The following WDR76 variants were observed in gnomAD, a reference collection of about 807,000 sequenced individuals.
WDR76 encodes the protein WD repeat domain 76.
WDR76 carries 52 observed loss-of-function variants against 70.2 expected under a neutral mutation model. The observed-to-expected ratio is 0.74, with a 90% confidence interval of 0.59 to 0.93. The LOEUF is 0.93. Ranked by LOEUF, WDR76 falls within the 40% of genes least tolerant of loss-of-function variation. WDR76 has a pLI of 0.00. For synonymous variants in WDR76, 292 were observed against 271.1 expected, an observed-to-expected ratio of 1.08 and a Z score of -0.76; for missense variants, 756 against 760.2, an observed-to-expected ratio of 0.99 and a Z score of 0.07.
chr15:43,851,075 ACT>A lies in WDR76; in HGVS notation c.1033-7_1033-6del. ...TTTTTTCTCTCTCCCCTTTCCCGCA[ACT>A]CTCTTCCAGACCCAGCAACCTAAAG... On this transcript the variant is annotated splice_polypyrimidine_tract_variant and intron_variant, in intron 8 of 12. Coordinates refer to ENST00000263795, the MANE Select transcript of WDR76 (RefSeq NM_024908.4). 2.5e-6 allele frequency: 4 copies of A among 1,612,012 alleles called. No individual in the cohort carries two copies. Among genetic ancestry groups the A allele is most frequent in the Non-Finnish European group, 3.4e-6 (4 of 1,178,758 alleles).
chr15:43,851,607 C>G (rs777368181), intron 9 of WDR76, among the ~76,000 whole-genome samples: 15 of 151,912 alleles, frequency 9.9e-5, no homozygotes, highest in Non-Finnish European at 2.1e-4. Context: ...AAGCTTTTAA[C>G]TAAAATAACT....
chr15:43,839,784 A>C, intron 5 of WDR76, 56 bp downstream of exon 5: 1 of 1,516,220 alleles, frequency 6.6e-7, no homozygotes, highest in Admixed American at 2.2e-5. Flanking sequence ...AAAAATTTGA[A>C]GTGTTGAAAC....
At chr15:43,848,214 G>A (rs564983104) in intron 8 of WDR76, among the ~76,000 whole-genome samples, 3 of 152,152 alleles carry the variant, frequency 2.0e-5, no homozygotes, top group South Asian at 2.1e-4. Flanking sequence ...ACTCCAGGCT[G>A]GATTGACAGA....
intron 4 of WDR76, among the ~76,000 whole-genome samples, chr15:43,838,472 C>T (rs1204597961): frequency 6.6e-6 from 1 of 152,234 alleles, no homozygotes; most frequent in African/African-American, 2.4e-5. Flanking sequence ...AGGTGTGAGC[C>T]ACTGTGCCTG....
rs925957399 is a variant in WDR76 at position 43,861,313 on chromosome 15, T to C, written c.1563-20T>C. On this transcript the variant is annotated intron_variant, in intron 11 of 12. Coordinates refer to ENST00000263795, the MANE Select transcript of WDR76 (RefSeq NM_024908.4). ...AGTTTTTAAGTAACAAAAGAATGTC[T>C]TACTCTCTTTATTTTGCAGAATTTT... The C allele has an allele frequency of 6.2e-7, 1 of 1,605,674 alleles. No homozygotes were observed. Among genetic ancestry groups the C allele is most frequent in the Non-Finnish European group, 8.5e-7 (1 of 1,172,630 alleles).
chr15:43,858,475 A>T (rs2087958037), intron 10 of WDR76, 196 bp from the exon 11 acceptor site: 3 of 562,086 alleles, frequency 5.3e-6, no homozygotes, highest in Admixed American at 7.2e-5. Context: ...CGAACTCCTG[A>T]TCTCAGATGA....
chr15:43,858,196 G>A (rs146313280), intron 10 of WDR76, among the ~76,000 whole-genome samples: 3 of 151,786 alleles, frequency 2.0e-5, no homozygotes, highest in African/African-American at 7.2e-5. Flanking sequence ...CTCCCAAAGT[G>A]CTGGGATTAC....
rs759470891 is a variant in WDR76 at position 43,867,866 on chromosome 15, A to G, written c.*1474A>G. On this transcript the variant is annotated 3_prime_UTR_variant, in exon 13 of 13. Transcript: ENST00000263795. The stretch of plus-strand genomic sequence containing the variant: ...TTACTAATATTACTGTGTGACATCT[A>G]TCCAACTTTTTTCATTATTCTTCAT... The G allele has an allele frequency of 3.3e-5, 5 of 152,186 alleles. No individual in the cohort carries two copies. Among genetic ancestry groups the G allele is most frequent in the Non-Finnish European group, 7.4e-5 (5 of 68,022 alleles). 9.4% of individuals were successfully genotyped at this position (152,186 alleles called of 1,614,324 possible).
intron 12 of WDR76, among the ~76,000 whole-genome samples, chr15:43,863,602 C>T (rs1243679400): frequency 6.6e-6 from 1 of 151,812 alleles, no homozygotes; most frequent in African/African-American, 2.4e-5. Flanking sequence ...CTCCCTTGCC[C>T]AGTATGGAGT....
Position 43,828,371 on chromosome 15 carries a change from G to A in WDR76, c.462+5G>A, listed in dbSNP as rs747468676. 1 of 1,581,290 alleles carries A rather than the reference G, an allele frequency of 6.3e-7. No individual in the cohort carries two copies. The highest frequency in any genetic ancestry group is 8.6e-7 in the Non-Finnish European group (1 of 1,167,114). ...GAAGATACCACACCATCCCTGGTAAGAACTTAATTAGTAGCTTGTTCTGGT... is the reference window on the plus strand; with the variant it reads ...GAAGATACCACACCATCCCTGGTAAAAACTTAATTAGTAGCTTGTTCTGGT... On this transcript the variant is annotated splice_donor_5th_base_variant and intron_variant, in intron 2 of 12. Coordinates refer to ENST00000263795, the MANE Select transcript of WDR76 (RefSeq NM_024908.4).
rs571844584 is a variant in WDR76 at position 43,858,439 on chromosome 15, G to T, written c.1410-232G>T. On this transcript the variant is annotated intron_variant, in intron 10 of 12. Coordinates refer to ENST00000263795, the MANE Select transcript of WDR76 (RefSeq NM_024908.4). ...TAATCTTGTATTTTTAGTAGAGACG[G>T]GGTTTCTCCATGTTGAGGCTGGTTT... 2.0e-5 allele frequency: 9 copies of T among 446,902 alleles called. No homozygotes were observed. The South Asian group carries it at 2.3e-4, about 11-fold the overall frequency. 27.7% of individuals were successfully genotyped at this position (446,902 alleles called of 1,614,324 possible). A position where few individuals can be genotyped will look rare whatever the true frequency, so the allele number is the denominator to read the frequency against.
At chr15:43,864,986 G>A (rs1178692788) in intron 12 of WDR76, among the ~76,000 whole-genome samples, 2 of 152,032 alleles carry the variant, frequency 1.3e-5, no homozygotes, top group African/African-American at 2.4e-5. Context: ...GTGCAGTGGC[G>A]CGATCTCAGC....
chr15:43,829,446 A>G (rs1270543001), intron 2 of WDR76, among the ~76,000 whole-genome samples: 1 of 150,180 alleles, frequency 6.7e-6, no homozygotes, highest in Non-Finnish European at 1.5e-5. Context: ...GTGGGACAGC[A>G]TGGGGTAAGT....
intron 9 of WDR76, among the ~76,000 whole-genome samples, chr15:43,853,537 ACTC>A (rs1178924721): frequency 2.0e-5 from 3 of 152,204 alleles, no homozygotes; most frequent in South Asian, 2.1e-4. Context: ...TAGGTGGAGA[ACTC>A]CTATAGCTTA....
At chr15:43,843,027 T>G (rs956317007) in intron 7 of WDR76, among the ~76,000 whole-genome samples, 5 of 146,006 alleles carry the variant, frequency 3.4e-5, no homozygotes, top group Non-Finnish European at 4.5e-5. Flanking sequence ...TTTTTTTTTT[T>G]TTTTTTTGTT....
intron 10 of WDR76, among the ~76,000 whole-genome samples, chr15:43,857,820 C>CAAAAA: frequency 1.7e-5 from 1 of 57,938 alleles, no homozygotes; most frequent in South Asian, 8.5e-4. Flanking sequence ...CTCTTGTCTC[C>CAAAAA]AAAAAAAAAA....
intron 3 of WDR76, among the ~76,000 whole-genome samples, chr15:43,835,430 C>T (rs990388797): frequency 1.3e-5 from 2 of 151,512 alleles, no homozygotes; most frequent in Non-Finnish European, 2.9e-5. Flanking sequence ...TCAAGGCTGC[C>T]GTGAGCTATG....
intron 12 of WDR76, 96 bp downstream of exon 12, chr15:43,861,482 T>C: frequency 1.7e-6 from 2 of 1,196,466 alleles, no homozygotes; most frequent in Admixed American, 3.8e-5. Flanking sequence ...AGAGATGTAA[T>C]AGTCCTGATT....
rs1289746204 is a variant in WDR76 at position 43,828,451 on chromosome 15, C to T, written c.462+85C>T. On this transcript the variant is annotated intron_variant, in intron 2 of 12. Transcript: ENST00000263795. Reference sequence around the variant, plus strand: ...AAATCGAAGTTTTTCGAGGATCTCTCTGGTACAAACAAGTTATTTCATCAT... The same window carrying T: ...AAATCGAAGTTTTTCGAGGATCTCTTTGGTACAAACAAGTTATTTCATCAT... 5 of 1,256,694 alleles carry T rather than the reference C, an allele frequency of 4.0e-6. No homozygotes were observed. In the African/African-American group the frequency reaches 7.5e-5, roughly 19 times the overall value. 77.8% of individuals were successfully genotyped at this position (1,256,694 alleles called of 1,614,324 possible).
Sources: allele counts gnomAD v4.1 joint callset (sites outside exome capture counted in the v4.1 genomes callset), GRCh38; gene constraint gnomAD v4.1.1; transcripts MANE v1.5; gene names NCBI Gene and HGNC (gene_info 2026-07-23, HGNC 2026-07-21).